Variants in SRPK3 observed in about 807,000 individuals in gnomAD.
SRPK3 encodes the protein SRSF protein kinase 3, also known as SFRS protein kinase 3.
SRPK3 carries 26 observed loss-of-function variants against 45.3 expected under a neutral mutation model. The observed-to-expected ratio is 0.57, with a 90% CI of 0.42 to 0.80. The LOEUF is 0.80. Among genes scored for constraint, SRPK3 ranks in the 30% least tolerant of loss-of-function variants. SRPK3 has a pLI of 0.00. For synonymous variants in SRPK3, 254 were observed against 226.6 expected (o/e 1.12, Z -1.09); for missense variants, 536 against 514.5 (o/e 1.04, Z -0.40).
chrX:153,784,656 G>A (rs782197356), intron 11 of SRPK3, 94 bp from the exon 12 acceptor site: 11 of 1,060,887 alleles, frequency 1.0e-5, no homozygotes, highest in Non-Finnish European at 1.3e-5. Context: ...ACCCCACTGA[G>A]CTCCTCGGGT....
Position 153,784,032 on chromosome X carries a change from C to G in SRPK3, c.966C>G (p.Pro322=), listed in dbSNP as rs4898443. ...CCACATCCTCTTCAGGCTGTCACCC[C>G]GGGGGCGCCAGAGCAGGTCCCTCCC... ...SGSTSSSGCH[P]GGARAGPSPA... The change falls in exon 10 of 15, where the codon CCC becomes CCG. Residue 322 remains proline (P), a synonymous_variant. Coordinates refer to ENST00000370101, the MANE Select transcript of SRPK3 (RefSeq NM_014370.4). The G allele has an allele frequency of 8.3e-7, 1 of 1,206,574 alleles. No individual in the cohort carries two copies. Among genetic ancestry groups the G allele is most frequent in the African/African-American group, 1.7e-5 (1 of 57,258 alleles).
At position 153,785,357 on chromosome X, in the gene SRPK3, A is replaced by G. The variant is rs782211874; in HGVS notation, c.1541A>G (p.Asn514Ser). Residue 514 changes from asparagine to serine, a missense_variant, in exon 15 of 15, where the codon AAT (asparagine) becomes AGT (serine). Coordinates refer to ENST00000370101, the MANE Select transcript of SRPK3 (RefSeq NM_014370.4). ...GCAGGAGAGCTGCGGCACATCCACA[A>G]TCTCAAGCACTGGGGCCTGTACGAG... Reference protein sequence around the residue: ...NRRGELRHIHNLKHWGLYEVL... With the variant: ...NRRGELRHIHSLKHWGLYEVL... 57 of 1,206,229 alleles carry G rather than the reference A, an allele frequency of 4.7e-5. No homozygotes were observed. Among genetic ancestry groups the G allele is most frequent in the Non-Finnish European group, 6.1e-5 (54 of 892,067 alleles).
Position 153,783,231 on chromosome X carries a change from A to G in SRPK3, c.754A>G (p.Thr252Ala). 9.0e-7 allele frequency: 1 copy of G among 1,113,609 alleles called. No homozygotes were observed. Among genetic ancestry groups the G allele is most frequent in the Non-Finnish European group, 1.2e-6 (1 of 833,008 alleles). The allele number at this position is 1,113,609 out of a possible 1,213,427, so 91.8% of individuals were successfully genotyped here. ...CTCCCCACCTGCACTCCCAGTCAGC[A>G]CTGCCCCCCAGGAGGTCTTGGTAAG... Reference protein sequence around the residue: ...APPPSRSIVSTAPQEVLQTGK... With the variant: ...APPPSRSIVSAAPQEVLQTGK... Residue 252 changes from threonine to alanine, a missense_variant, in exon 8 of 15, where the codon ACT becomes GCT. Coordinates refer to ENST00000370101, the MANE Select transcript of SRPK3 (RefSeq NM_014370.4).
chrX:153,785,026 TCAGCCTCC>T (rs781923780), intron 13 of SRPK3, 23 bp downstream of exon 13: 1 of 1,210,982 alleles, frequency 8.3e-7, no homozygotes, highest in South Asian at 1.8e-5. Flanking sequence ...GGCTCTGGGC[TCAGCCTCC>T]CGGCCTCCCG....
intron 4 of SRPK3, 89 bp downstream of exon 4, chrX:153,781,919 G>T (rs2092054631): frequency 9.6e-7 from 1 of 1,045,875 alleles, no homozygotes; most frequent in Admixed American, 2.5e-5. Flanking sequence ...GGCTCTGTGG[G>T]GCAGGGCGGG....
At chrX:153,782,698 G>GC in intron 5 of SRPK3, 74 bp from the exon 6 acceptor site, 1 of 1,035,782 alleles carries the variant, frequency 9.7e-7, no homozygotes, top group Non-Finnish European at 1.3e-6. Flanking sequence ...AAGCCTTGCT[G>GC]CTCCCCTAGC....
rs372504588 is a variant in SRPK3, at chrX:153,781,273, G to A, written c.117G>A (p.Pro39=). Reference sequence around the variant, plus strand: ...GCTCCGAACTAGCCCTGGCCACACCGGTGCCTCAGATGCTGCAGGGCCTTC... The same window carrying A: ...GCTCCGAACTAGCCCTGGCCACACCAGTGCCTCAGATGCTGCAGGGCCTTC... ...SSGSELALAT[P]VPQMLQGLLG... is the part of the protein sequence containing the mutation. The change falls in exon 2 of 15, where the codon CCG becomes CCA. Residue 39 remains proline (P), a synonymous_variant. Transcript: ENST00000370101. The A allele has an allele frequency of 2.2e-5, 27 of 1,208,559 alleles. No homozygotes were observed. The highest frequency in any genetic ancestry group is 1.2e-4 in the African/African-American group (7 of 57,535).
In SRPK3 at chrX:153,785,123, C is replaced by T. The variant is rs1557068590; in HGVS notation, c.1469C>T (p.Pro490Leu). The T allele has an allele frequency of 8.3e-7, 1 of 1,211,164 alleles. No homozygotes were observed. Among genetic ancestry groups the T allele is most frequent in the East Asian group, 3.0e-5 (1 of 33,848 alleles). Residue 490 changes from proline (P) to leucine (L), a missense_variant, in exon 14 of 15, where the codon CCA (proline) becomes CTA (leucine). Transcript: ENST00000370101. ...HIVELLGDIP[P>L]AFALSGRYSR... ...GTGGAGCTTCTGGGGGACATCCCCC[C>T]AGCCTTCGCCCTCTCAGGCCGCTAT... is the stretch of plus-strand genomic sequence containing the variant.
chrX:153,785,614 C>A lies in SRPK3; in HGVS notation c.*94C>A. On this transcript the variant is annotated 3_prime_UTR_variant, in exon 15 of 15. Transcript: ENST00000370101. ...GCTGGGCGCCAGTTCTCCACAACCA[C>A]AGGGCAGAGAGACGCTGGAGCCAGG... 1 of 1,071,099 alleles carries A rather than the reference C, an allele frequency of 9.3e-7. No individual in the cohort carries two copies. The highest frequency in any genetic ancestry group is 1.3e-6 in the Non-Finnish European group (1 of 794,537). The allele number at this position is 1,071,099 out of a possible 1,213,427, so 88.3% of individuals were successfully genotyped here.
Position 153,783,096 on chromosome X carries a change from G to A in SRPK3, c.726G>A (p.Ala242=), listed in dbSNP as rs782809092. Residue 242 remains alanine, a synonymous_variant, in exon 7 of 15, where the codon GCG becomes GCA. Coordinates refer to ENST00000370101, the MANE Select transcript of SRPK3 (RefSeq NM_014370.4). ...CCACGGAGTGGCAACAGGCAGGGGC[G>A]CCGCCCCCCTCCCGCTCCATAGGTA... is the stretch of plus-strand genomic sequence containing the variant. The part of the protein sequence containing the change: ...AEATEWQQAG[A]PPPSRSIVST... The A allele has an allele frequency of 2.4e-5, 28 of 1,164,260 alleles. No individual in the cohort carries two copies. Among genetic ancestry groups the A allele is most frequent in the Middle Eastern group, 2.5e-4 (1 of 4,001 alleles).
rs782692795 is a variant in SRPK3, at chrX:153,784,764, G to A, written c.1263G>A (p.Thr421=). 33 of 1,210,519 alleles carry A rather than the reference G, an allele frequency of 2.7e-5. No homozygotes were observed. Among genetic ancestry groups the A allele is most frequent in the Middle Eastern group, 4.6e-4 (2 of 4,367 alleles). Residue 421 remains threonine, a synonymous_variant, in exon 12 of 15, where the codon ACG becomes ACA. Transcript: ENST00000370101. ...CTTGCTTCCAGCACAAGCACTTCAC[G>A]GAAGACATCCAGACTCGGCAGTACC... ...GNACWVHKHF[T]EDIQTRQYRA...
At chrX:153,783,407 G>T (rs1414298564) in intron 8 of SRPK3, among the ~76,000 whole-genome samples, 156 bp downstream of exon 8, 1 of 112,611 alleles carries the variant, frequency 8.9e-6, no homozygotes, top group Admixed American at 9.3e-5. Flanking sequence ...TAATTCCCGG[G>T]GGGGGTCAAG....
In SRPK3 at chrX:153,785,701, T is replaced by C. The variant is rs1050614548; in HGVS notation, c.*181T>C. Reference sequence around the variant, plus strand: ...TGAGGGCTCTCGGAGAAAGTGTGTGTATTCCTTTCTTAATAAAGTGTGGAC... The same window carrying C: ...TGAGGGCTCTCGGAGAAAGTGTGTGCATTCCTTTCTTAATAAAGTGTGGAC... On this transcript the variant is annotated 3_prime_UTR_variant, in exon 15 of 15. Coordinates refer to ENST00000370101, the MANE Select transcript of SRPK3 (RefSeq NM_014370.4). 33 of 779,854 alleles carry C rather than the reference T, an allele frequency of 4.2e-5. No individual in the cohort carries two copies. The highest frequency in any genetic ancestry group is 5.6e-5 in the Non-Finnish European group (30 of 537,386). The allele number at this position is 779,854 out of a possible 1,213,427, so 64.3% of individuals were successfully genotyped here. A position where few individuals can be genotyped will look rare whatever the true frequency, so the allele number is the denominator to read the frequency against.
intron 4 of SRPK3, 69 bp downstream of exon 4, chrX:153,781,899 G>A: frequency 8.9e-7 from 1 of 1,129,905 alleles, no homozygotes; most frequent in Non-Finnish European, 1.2e-6. Flanking sequence ...GCGGGTGCAA[G>A]GCCTGCCGGG....
chrX:153,785,643 G>A lies in SRPK3; in HGVS notation c.*123G>A, dbSNP rs782229289. ...GCAGAGAGACGCTGGAGCCAGGCCC[G>A]GCTCTCAGAGCGTGTTCTGCCTGAG... On this transcript the variant is annotated 3_prime_UTR_variant, in exon 15 of 15. Transcript: ENST00000370101. The A allele has an allele frequency of 6.0e-5, 56 of 940,601 alleles. No homozygotes were observed. Among genetic ancestry groups the A allele is most frequent in the Non-Finnish European group, 7.7e-5 (53 of 687,134 alleles). 77.5% of individuals were successfully genotyped at this position (940,601 alleles called of 1,213,427 possible). A position where few individuals can be genotyped will look rare whatever the true frequency, so the allele number is the denominator to read the frequency against.
In SRPK3 at chrX:153,784,403, A is replaced by C. The variant is rs1569542521; in HGVS notation, c.1248+9A>C. ...GCAACGCCTGCTGGGTGGTATGAGC[A>C]AGTGTGGGAGAGCAGAGTGGGGGGC... is the stretch of plus-strand genomic sequence containing the variant. On this transcript the variant is annotated intron_variant, in intron 11 of 14. Coordinates refer to ENST00000370101, the MANE Select transcript of SRPK3 (RefSeq NM_014370.4). 11 of 1,206,563 alleles carry C rather than the reference A, an allele frequency of 9.1e-6. No homozygotes were observed. Among genetic ancestry groups the C allele is most frequent in the Non-Finnish European group, 1.0e-5 (9 of 892,176 alleles).
intron 13 of SRPK3, 35 bp downstream of exon 13, chrX:153,785,038 C>A: frequency 8.3e-7 from 1 of 1,211,153 alleles, no homozygotes; most frequent in South Asian, 1.8e-5. Context: ...AGCCTCCCGG[C>A]CTCCCGGCCT....
At position 153,785,666 on chromosome X, in the gene SRPK3, G is replaced by A; in HGVS notation, c.*146G>A. The A allele has an allele frequency of 1.2e-6, 1 of 845,553 alleles. No individual in the cohort carries two copies. The highest frequency in any genetic ancestry group is 3.0e-5 in the Admixed American group (1 of 33,812). The allele number at this position is 845,553 out of a possible 1,213,427, so 69.7% of individuals were successfully genotyped here. A position where few individuals can be genotyped will look rare whatever the true frequency, so the allele number is the denominator to read the frequency against. On this transcript the variant is annotated 3_prime_UTR_variant, in exon 15 of 15. Coordinates refer to ENST00000370101, the MANE Select transcript of SRPK3 (RefSeq NM_014370.4). ...CCGGCTCTCAGAGCGTGTTCTGCCT[G>A]AGACCCCCGTGAGGGCTCTCGGAGA...
chrX:153,785,390 T>C lies in SRPK3; in HGVS notation c.1574T>C (p.Met525Thr). 1.7e-6 allele frequency: 2 copies of C among 1,210,624 alleles called. No individual in the cohort carries two copies. The highest frequency in any genetic ancestry group is 2.2e-6 in the Non-Finnish European group (2 of 894,981). The change falls in exon 15 of 15, where the codon ATG (methionine) becomes ACG (threonine). Residue 525 changes from methionine to threonine, a missense_variant. Transcript: ENST00000370101. ...LKHWGLYEVL[M>T]EKYEWPLEQA... ...CACTGGGGCCTGTACGAGGTACTCA[T>C]GGAAAAGTACGAGTGGCCCCTAGAG...
Sources: gnomAD v4.1 joint callset for allele counts (sites outside exome capture counted in the v4.1 genomes callset) on GRCh38, gnomAD v4.1.1 for gene constraint, MANE v1.5 for transcripts, NCBI Gene and HGNC (gene_info 2026-07-23, HGNC 2026-07-21) for gene names.